The following CLDN10 variants were observed in gnomAD, a reference collection of about 807,000 sequenced individuals.
CLDN10 encodes the protein claudin-10.
A neutral mutation model predicts 22.9 loss-of-function variants in CLDN10; 15 were observed. The ratio of observed to expected loss-of-function variants is 0.65; its 90% confidence interval spans 0.44 to 1.01. The LOEUF (loss-of-function observed/expected upper bound fraction) is 1.01, where lower values mean the gene tolerates loss of function less well. Among genes scored for constraint, CLDN10 ranks in the 50% least tolerant of loss-of-function variants. The pLI, the probability that CLDN10 is intolerant of heterozygous loss-of-function variation, is 0.00. For synonymous variants in CLDN10, 114 were observed against 111.4 expected, an observed-to-expected ratio of 1.02 and a Z score of -0.15; for missense variants, 247 against 287.8, an observed-to-expected ratio of 0.86 and a Z score of 1.03.
chr13:95,435,725 C>T (rs1198272963), intron 1 of CLDN10, among the ~76,000 whole-genome samples: 1 of 152,108 alleles, frequency 6.6e-6, no homozygotes, highest in Non-Finnish European at 1.5e-5. Flanking sequence ...TCTCCAGGGG[C>T]CCCTCTTGGC....
intron 1 of CLDN10, among the ~76,000 whole-genome samples, chr13:95,535,849 C>A (rs2043395139): frequency 6.6e-6 from 1 of 152,008 alleles, no homozygotes; most frequent in Non-Finnish European, 1.5e-5. Context: ...AAGAATGGGG[C>A]TATGGAAGCC....
At chr13:95,531,073 C>T (rs981146645) in intron 1 of CLDN10, among the ~76,000 whole-genome samples, 7 of 152,082 alleles carry the variant, frequency 4.6e-5, no homozygotes, top group Admixed American at 6.5e-5. Context: ...CGTGTGCCAC[C>T]ACACCCGGCT....
chr13:95,505,808 G>A (rs1187604027), intron 1 of CLDN10, among the ~76,000 whole-genome samples: 1 of 133,498 alleles, frequency 7.5e-6, no homozygotes, highest in Non-Finnish European at 1.5e-5. Context: ...AGGCTGGAGT[G>A]CAATGGTGCA....
At chr13:95,495,760 A>AAAAC (rs1162651391) in intron 1 of CLDN10, among the ~76,000 whole-genome samples, 1 of 129,272 alleles carries the variant, frequency 7.7e-6, no homozygotes, top group Non-Finnish European at 1.8e-5. Flanking sequence ...AAAAAAAAAG[A>AAAAC]AAAGAAAGAA....
chr13:95,473,328 A>G (rs2042654762), intron 1 of CLDN10, among the ~76,000 whole-genome samples: 1 of 152,200 alleles, frequency 6.6e-6, no homozygotes, highest in South Asian at 2.1e-4. Context: ...ACCATGGCAC[A>G]CATTTACCTG....
upstream of CLDN10, among the ~76,000 whole-genome samples, chr13:95,551,316 G>C (rs185706450): frequency 6.6e-6 from 1 of 152,318 alleles, no homozygotes; most frequent in Non-Finnish European, 1.5e-5. Flanking sequence ...GAATAGATAC[G>C]TTGCCATGCA....
At chr13:95,534,601 T>C (rs898882880) in intron 1 of CLDN10, among the ~76,000 whole-genome samples, 1 of 152,224 alleles carries the variant, frequency 6.6e-6, no homozygotes, top group Non-Finnish European at 1.5e-5. Context: ...TTTAGTATAA[T>C]GCATGATTCA....
intron 1 of CLDN10, among the ~76,000 whole-genome samples, chr13:95,518,439 G>GA (rs941668216): frequency 6.6e-6 from 1 of 151,862 alleles, no homozygotes. Context: ...CAGTCATTAA[G>GA]AAAAAAAATC....
At chr13:95,440,933 C>T (rs2042318559) in intron 1 of CLDN10, among the ~76,000 whole-genome samples, 1 of 152,202 alleles carries the variant, frequency 6.6e-6, no homozygotes, top group African/African-American at 2.4e-5. Context: ...GATCCTAAAG[C>T]AGTGTGCTGC....
chr13:95,480,934 G>A (rs1295532536), intron 1 of CLDN10, among the ~76,000 whole-genome samples: 1 of 152,206 alleles, frequency 6.6e-6, no homozygotes, highest in Non-Finnish European at 1.5e-5. Flanking sequence ...AAGCCAGAAG[G>A]TAATGGGACA....
chr13:95,528,920 T>C (rs1033680833), intron 1 of CLDN10, among the ~76,000 whole-genome samples: 1 of 152,180 alleles, frequency 6.6e-6, no homozygotes, highest in Non-Finnish European at 1.5e-5. Flanking sequence ...AGCTTGAACA[T>C]AGTATGAATT....
At chr13:95,509,142 C>T (rs550535151) in intron 1 of CLDN10, among the ~76,000 whole-genome samples, 1 of 152,122 alleles carries the variant, frequency 6.6e-6, no homozygotes, top group South Asian at 2.1e-4. Context: ...GGAACAGATA[C>T]TAAAGATATT....
chr13:95,562,850 A>AT (rs2043732802), intron 3 of CLDN10, among the ~76,000 whole-genome samples: 1 of 152,208 alleles, frequency 6.6e-6, no homozygotes, highest in African/African-American at 2.4e-5. Flanking sequence ...GTCAAGGCTA[A>AT]TTTGTGTACA....
upstream of CLDN10, among the ~76,000 whole-genome samples, chr13:95,550,542 T>G (rs1306234049): frequency 1.3e-5 from 2 of 152,150 alleles, no homozygotes; most frequent in African/African-American, 2.4e-5. Context: ...AGTATTAAAT[T>G]TGTGTAATTT....
intron 1 of CLDN10, among the ~76,000 whole-genome samples, chr13:95,538,588 ATG>A (rs1380178961): frequency 6.6e-6 from 1 of 152,124 alleles, no homozygotes; most frequent in Non-Finnish European, 1.5e-5. Context: ...TGCAAGGTCA[ATG>A]TGTGTGTTCG....
chr13:95,548,690 C>A (rs2043534564), upstream of CLDN10, among the ~76,000 whole-genome samples: 1 of 152,114 alleles, frequency 6.6e-6, no homozygotes, highest in African/African-American at 2.4e-5. Flanking sequence ...TATCTTGGTA[C>A]CGGCATTAAT....
At chr13:95,444,627 C>T (rs966946108) in intron 1 of CLDN10, among the ~76,000 whole-genome samples, 7 of 152,194 alleles carry the variant, frequency 4.6e-5, no homozygotes, top group Non-Finnish European at 8.8e-5. Flanking sequence ...GGCGAAGTTT[C>T]ACAAGAAGTT....
intron 1 of CLDN10, among the ~76,000 whole-genome samples, chr13:95,509,615 G>A (rs1176287749): frequency 1.3e-5 from 2 of 152,180 alleles, no homozygotes; most frequent in Non-Finnish European, 2.9e-5. Flanking sequence ...GTGTCAGACC[G>A]AATATAAGCA....
At chr13:95,521,882 C>A (rs571398726) in intron 1 of CLDN10, among the ~76,000 whole-genome samples, 158 of 151,884 alleles carry the variant, frequency 1.0e-3, no homozygotes, top group African/African-American at 3.8e-3. Context: ...TTCTTGTGTT[C>A]ATTTTGGTAT....
Sources: allele counts gnomAD v4.1 joint callset (sites outside exome capture counted in the v4.1 genomes callset), GRCh38; gene constraint gnomAD v4.1.1; transcripts MANE v1.5; gene names NCBI Gene and HGNC (gene_info 2026-07-23, HGNC 2026-07-21).